The following SERINC3 variants were observed in gnomAD, a reference collection of about 807,000 sequenced individuals.
The protein encoded by SERINC3 is serine incorporator 3, also known as tumor differentially expressed protein 1.
A neutral mutation model predicts 52.1 loss-of-function variants in SERINC3; 22 were observed. The observed-to-expected ratio is 0.42, with a 90% confidence interval of 0.30 to 0.60. SERINC3 has a LOEUF of 0.60. SERINC3 is among the 20% of genes least tolerant of loss of function. The pLI, the probability that SERINC3 is intolerant of heterozygous loss-of-function variation, is 0.16. For synonymous variants in SERINC3, 226 were observed against 212.7 expected, an observed-to-expected ratio of 1.06 and a Z score of -0.54; for missense variants, 564 against 584.6, an observed-to-expected ratio of 0.96 and a Z score of 0.36.
At chr20:44,520,148 C>T (rs1407658194) in intron 1 of SERINC3, among the ~76,000 whole-genome samples, 1 of 152,204 alleles carries the variant, frequency 6.6e-6, no homozygotes, top group Non-Finnish European at 1.5e-5. Context: ...TTTGGCTGGG[C>T]ATGGTGGCTC....
intron 1 of SERINC3, among the ~76,000 whole-genome samples, chr20:44,515,281 G>C (rs2064373126): frequency 6.6e-6 from 1 of 152,140 alleles, no homozygotes; most frequent in Non-Finnish European, 1.5e-5. Context: ...TTGAACCCAG[G>C]AGGTGGAGGT....
In SERINC3 at chr20:44,522,058, A is replaced by C. The variant is rs934243006; in HGVS notation, c.-107T>G. The C allele has an allele frequency of 1.6e-6, 2 of 1,245,496 alleles. No individual in the cohort carries two copies. The highest frequency in any genetic ancestry group is 2.1e-5 in the Admixed American group (1 of 48,182). The allele number at this position is 1,245,496 out of a possible 1,614,324, so 77.2% of individuals were successfully genotyped here. On this transcript the variant is annotated 5_prime_UTR_variant, in exon 1 of 10. Coordinates refer to ENST00000342374, the MANE Select transcript of SERINC3 (RefSeq NM_006811.4). ...AAACATGACGGTTTCTCAGGCCGGA[A>C]ACGCAGCCTTCCACAGACGCACGGA...
intron 8 of SERINC3, among the ~76,000 whole-genome samples, chr20:44,503,395 C>A (rs1322133758): frequency 6.6e-6 from 1 of 152,232 alleles, no homozygotes; most frequent in Non-Finnish European, 1.5e-5. Flanking sequence ...CACCTGTAAT[C>A]CCAGCACTTT....
At chr20:44,496,356 C>T (rs1600804963), downstream of SERINC3, 1 of 152,456 alleles carries the variant, frequency 6.6e-6, no homozygotes, top group East Asian at 1.9e-4. Flanking sequence ...AGTTGGGTGC[C>T]TAGGTAACAG....
rs2064270064 is a variant in SERINC3 at position 44,500,145 on chromosome 20, A to G, written c.*151T>C. 1.3e-6 allele frequency: 1 copy of G among 773,636 alleles called. No homozygotes were observed. The highest frequency in any genetic ancestry group is 1.8e-5 in the African/African-American group (1 of 56,386). 47.9% of individuals were successfully genotyped at this position (773,636 alleles called of 1,614,324 possible). A position where few individuals can be genotyped will look rare whatever the true frequency, so the allele number is the denominator to read the frequency against. ...AAGTTTCGATTCTGCATCAAGCATTATTCAATCTCACCTTCTGATATAAAC... is the reference window on the plus strand; with the variant it reads ...AAGTTTCGATTCTGCATCAAGCATTGTTCAATCTCACCTTCTGATATAAAC... On this transcript the variant is annotated 3_prime_UTR_variant, in exon 10 of 10. Transcript: ENST00000342374.
In SERINC3 at chr20:44,512,925, C is replaced by T. The variant is rs147196562; in HGVS notation, c.271G>A (p.Val91Met). ...ADINADKDCD[V>M]LVGYKAVYRI... ...TACACAGCTTTATAACCAACCAGCACATCACAATCTTTATCTGCATTTATA... is the reference window on the plus strand; with the variant it reads ...TACACAGCTTTATAACCAACCAGCATATCACAATCTTTATCTGCATTTATA... Residue 91 changes from valine (V) to methionine (M), a missense_variant, in exon 3 of 10, where the codon GTG becomes ATG. Coordinates refer to ENST00000342374, the MANE Select transcript of SERINC3 (RefSeq NM_006811.4). 1.9e-5 allele frequency: 29 copies of T among 1,558,834 alleles called. No homozygotes were observed. In the Middle Eastern group the frequency reaches 1.2e-3, roughly 63 times the overall value.
chr20:44,501,135 T>C lies in SERINC3; in HGVS notation c.1221A>G (p.Leu407=). The C allele has an allele frequency of 1.2e-6, 2 of 1,614,108 alleles. No homozygotes were observed. Among genetic ancestry groups the C allele is most frequent in the Non-Finnish European group, 1.7e-6 (2 of 1,180,002 alleles). Residue 407 remains leucine, a synonymous_variant, in exon 9 of 10, where the codon TTA becomes TTG. Transcript: ENST00000342374. ...EKEGVQYSYS[L]FHLMLCLASL... ...AAGCCAAGCAGAGCATGAGGTGGAA[T>C]AAGGAGTAGCTATACTGCACTCCCT...
rs373663574 is a variant in SERINC3 at position 44,510,000 on chromosome 20, G to A, written c.504C>T (p.Ala168=). 2.2e-5 allele frequency: 36 copies of A among 1,613,950 alleles called. No individual in the cohort carries two copies. Among genetic ancestry groups the A allele is most frequent in the Middle Eastern group, 1.6e-4 (1 of 6,084 alleles). ...SVWFVVGMIG[A]ALFILIQLVL... ...CCAGCTGAATGAGGATGAAGAGGGCGGCCCCTATCATGCCAACAACAAACC... is the reference window on the plus strand; with the variant it reads ...CCAGCTGAATGAGGATGAAGAGGGCAGCCCCTATCATGCCAACAACAAACC... The change falls in exon 5 of 10, where the codon GCC becomes GCT. Residue 168 remains alanine, a synonymous_variant. Transcript: ENST00000342374.
rs2064255103 is a variant in SERINC3 at position 44,497,562 on chromosome 20, G to A, written c.*2734C>T. ...GGCACTGTAATGTTTTTGAAGTTTA[G>A]GACCTTTAAAGCTCTTAAGCTGACT... On this transcript the variant is annotated 3_prime_UTR_variant, in exon 10 of 10. Transcript: ENST00000342374. 1 of 152,200 alleles carries A rather than the reference G, an allele frequency of 6.6e-6. No individual in the cohort carries two copies. The highest frequency in any genetic ancestry group is 6.6e-5 in the Admixed American group (1 of 15,260). 9.4% of individuals were successfully genotyped at this position (152,200 alleles called of 1,614,324 possible).
intron 2 of SERINC3, among the ~76,000 whole-genome samples, chr20:44,513,353 G>A (rs1262175464): frequency 1.3e-4 from 20 of 152,060 alleles, no homozygotes; most frequent in Admixed American, 1.3e-3. Context: ...GGGCATGGTG[G>A]TGCATGCTTA....
At chr20:44,506,792 C>A in intron 6 of SERINC3, 35 bp downstream of exon 6, 3 of 1,445,902 alleles carry the variant, frequency 2.1e-6, no homozygotes, top group Middle Eastern at 1.8e-4. Context: ...AATTAAAAAC[C>A]TTTCACAGGA....
intron 5 of SERINC3, among the ~76,000 whole-genome samples, chr20:44,507,618 C>T (rs924513172): frequency 2.8e-4 from 43 of 152,310 alleles, no homozygotes; most frequent in African/African-American, 1.0e-3. Flanking sequence ...TGCCTGTAAT[C>T]CCAGCACTTT....
intron 5 of SERINC3, among the ~76,000 whole-genome samples, chr20:44,508,659 C>T (rs1454652783): frequency 6.6e-6 from 1 of 152,162 alleles, no homozygotes; most frequent in Non-Finnish European, 1.5e-5. Context: ...AACTCCATGC[C>T]AGGAGCTTGA....
chr20:44,512,911 A>G lies in SERINC3; in HGVS notation c.285T>C (p.Tyr95=). Residue 95 remains tyrosine, a synonymous_variant, in exon 3 of 10, where the codon TAT becomes TAC. Transcript: ENST00000342374. ...ADKDCDVLVG[Y]KAVYRISFAM... ...CAAAGCTGATCCGATACACAGCTTT[A>G]TAACCAACCAGCACATCACAATCTT... The G allele has an allele frequency of 6.4e-7, 1 of 1,573,356 alleles. No homozygotes were observed. The highest frequency in any genetic ancestry group is 8.6e-7 in the Non-Finnish European group (1 of 1,166,712).
At chr20:44,510,536 G>C (rs979703853) in intron 4 of SERINC3, among the ~76,000 whole-genome samples, 1 of 152,170 alleles carries the variant, frequency 6.6e-6, no homozygotes, top group African/African-American at 2.4e-5. Flanking sequence ...AGTTGCAGCC[G>C]GGCGTGGTGG....
chr20:44,517,662 A>C (rs1296403930), intron 1 of SERINC3, among the ~76,000 whole-genome samples: 1 of 152,016 alleles, frequency 6.6e-6, no homozygotes, highest in South Asian at 2.1e-4. Context: ...CCCTGCTGAC[A>C]CCTTCATCCC....
chr20:44,496,620 C>T (rs1205298135), downstream of SERINC3, among the ~76,000 whole-genome samples: 1 of 152,108 alleles, frequency 6.6e-6, no homozygotes, highest in East Asian at 1.9e-4. Context: ...ATGGTGAAAT[C>T]CCATCTCTAC....
intron 8 of SERINC3, among the ~76,000 whole-genome samples, chr20:44,502,855 C>T (rs2064288578): frequency 6.6e-6 from 1 of 152,128 alleles, no homozygotes; most frequent in Non-Finnish European, 1.5e-5. Context: ...CCTCAGCCTC[C>T]TAACGTGTGG....
chr20:44,509,943 A>T lies in SERINC3; in HGVS notation c.561T>A (p.Asn187Lys). The T allele has an allele frequency of 6.2e-7, 1 of 1,614,188 alleles. No homozygotes were observed. Among genetic ancestry groups the T allele is most frequent in the Non-Finnish European group, 8.5e-7 (1 of 1,180,020 alleles). ...CTTCCATTCGATTTACCCATGATTC[A>T]TTCCAAGAATGAGCAAAATCTACCA... ...VLLVDFAHSW[N>K]ESWVNRMEEG... Residue 187 changes from asparagine to lysine, a missense_variant, in exon 5 of 10, where the codon AAT becomes AAA. Coordinates refer to ENST00000342374, the MANE Select transcript of SERINC3 (RefSeq NM_006811.4).
Sources: allele counts gnomAD v4.1 joint callset (sites outside exome capture counted in the v4.1 genomes callset), GRCh38; gene constraint gnomAD v4.1.1; transcripts MANE v1.5; gene names NCBI Gene and HGNC (gene_info 2026-07-23, HGNC 2026-07-21).